TXLNB: variants seen among roughly 807,000 people sequenced by gnomAD.
The protein encoded by TXLNB is taxilin beta.
Under a neutral mutation model 57.4 loss-of-function variants are expected in TXLNB, and 37 were observed. The observed-to-expected ratio is 0.64, with a 90% CI of 0.50 to 0.85. TXLNB has a LOEUF of 0.85. TXLNB is among the 40% of genes least tolerant of loss of function. The probability of loss-of-function intolerance (pLI) is 0.00; values close to 1 mark genes in which losing one functional copy is unlikely to be tolerated. For synonymous variants in TXLNB, 302 were observed against 309.6 expected, an observed-to-expected ratio of 0.98 and a Z score of 0.26; for missense variants, 848 against 825.6, an observed-to-expected ratio of 1.03 and a Z score of -0.33.
the TXLNB span, among the ~76,000 whole-genome samples, chr6:139,200,642 T>TG: frequency 6.6e-6 from 1 of 152,232 alleles, no homozygotes; most frequent in South Asian, 2.1e-4. Context: ...GACAGAGATT[T>TG]GGGATGTAAA....
At chr6:139,236,739 G>C (rs1242615659), downstream of TXLNB, among the ~76,000 whole-genome samples, 1 of 152,032 alleles carries the variant, frequency 6.6e-6, no homozygotes, top group Non-Finnish European at 1.5e-5. Flanking sequence ...CAAGTAGCTG[G>C]GACCACAGGT....
chr6:139,313,176 C>G, the TXLNB span, among the ~76,000 whole-genome samples: 104 of 152,032 alleles, frequency 6.8e-4, no homozygotes, highest in African/African-American at 2.4e-3. Context: ...GGGTTCACGC[C>G]ATTCTCCTGC....
upstream of TXLNB, among the ~76,000 whole-genome samples, chr6:139,294,718 G>A (rs1009633795): frequency 5.9e-5 from 9 of 152,188 alleles, no homozygotes; most frequent in South Asian, 1.2e-3. Context: ...GGCCCGGCAC[G>A]CTGGCTCACG....
chr6:139,241,266 A>G lies in TXLNB; in HGVS notation c.*1260T>C, dbSNP rs1339029936. On this transcript the variant is annotated 3_prime_UTR_variant, in exon 10 of 10. Transcript: ENST00000358430. ...CATGGCAGAAAACGTGTTGGTTTGTAAGCCTCATCACTGATATTGAGACCC... is the reference window on the plus strand; with the variant it reads ...CATGGCAGAAAACGTGTTGGTTTGTGAGCCTCATCACTGATATTGAGACCC... 1 of 152,204 alleles carries G rather than the reference A, an allele frequency of 6.6e-6. No homozygotes were observed. The highest frequency in any genetic ancestry group is 2.4e-5 in the African/African-American group (1 of 41,444). 9.4% of individuals were successfully genotyped at this position (152,204 alleles called of 1,614,324 possible).
At chr6:139,322,771 G>T in the TXLNB span, among the ~76,000 whole-genome samples, 2 of 152,120 alleles carry the variant, frequency 1.3e-5, no homozygotes, top group African/African-American at 2.4e-5. Flanking sequence ...TATCCCCCTT[G>T]TTCCTTCTTT....
At chr6:139,183,781 A>G in the TXLNB span, among the ~76,000 whole-genome samples, 1 of 152,222 alleles carries the variant, frequency 6.6e-6, no homozygotes, top group African/African-American at 2.4e-5. Flanking sequence ...AGGCTGCTCC[A>G]GCACAGATAC....
At position 139,270,635 on chromosome 6, in the gene TXLNB, A is replaced by G. The variant is rs1364575945; in HGVS notation, c.517-9T>C. On this transcript the variant is annotated splice_polypyrimidine_tract_variant and intron_variant, in intron 3 of 9. Coordinates refer to ENST00000358430, the MANE Select transcript of TXLNB (RefSeq NM_153235.4). ...GTACGATGTTCATCCAGCTGTACAC[A>G]TGGAGATACAAACATGAAAGAAAAT... 2.5e-6 allele frequency: 4 copies of G among 1,612,932 alleles called. No individual in the cohort carries two copies. Among genetic ancestry groups the G allele is most frequent in the Non-Finnish European group, 2.5e-6 (3 of 1,179,480 alleles).
chr6:139,242,937 A>G lies in TXLNB; in HGVS notation c.1644T>C (p.Pro548=). 1 of 1,614,110 alleles carries G rather than the reference A, an allele frequency of 6.2e-7. No individual in the cohort carries two copies. The change falls in exon 10 of 10, where the codon CCT becomes CCC. Residue 548 remains proline (P), a synonymous_variant. Coordinates refer to ENST00000358430, the MANE Select transcript of TXLNB (RefSeq NM_153235.4). Reference sequence around the variant, plus strand: ...GCAGGGGACTCTCTGAATCCCGTGAAGGGATCAGAGGGGGTTGCTCTGGCT... The same window carrying G: ...GCAGGGGACTCTCTGAATCCCGTGAGGGGATCAGAGGGGGTTGCTCTGGCT... ...LKEPEQPPLI[P]SRDSESPLPP... is the part of the protein sequence containing the mutation.
At chr6:139,221,160 C>A in the TXLNB span, among the ~76,000 whole-genome samples, 1 of 152,152 alleles carries the variant, frequency 6.6e-6, no homozygotes, top group Non-Finnish European at 1.5e-5. Flanking sequence ...AAATATGCAA[C>A]CTGTGACTGA....
In TXLNB at chr6:139,288,607, T is replaced by C. The variant is rs750072428; in HGVS notation, c.293A>G (p.Glu98Gly). 2 of 1,614,222 alleles carry C rather than the reference T, an allele frequency of 1.2e-6. No individual in the cohort carries two copies. Among genetic ancestry groups the C allele is most frequent in the East Asian group, 2.2e-5 (1 of 44,886 alleles). ...QPENAESPDN[E>G]DGDCEETTEE... Reference sequence around the variant, plus strand: ...AGTTGTTTCCTCACAGTCCCCATCCTCGTTGTCAGGTGATTCTGCATTCTC... The same window carrying C: ...AGTTGTTTCCTCACAGTCCCCATCCCCGTTGTCAGGTGATTCTGCATTCTC... The change falls in exon 2 of 10, where the codon GAG (glutamate) becomes GGG (glycine). Residue 98 changes from glutamate (E) to glycine (G), a missense_variant. Physicochemically the swap from Glu to Gly is moderately conservative, Grantham distance 98. Transcript: ENST00000358430.
At chr6:139,190,305 C>T in the TXLNB span, among the ~76,000 whole-genome samples, 20 of 108,908 alleles carry the variant, frequency 1.8e-4, no homozygotes, top group Non-Finnish European at 2.7e-4. Context: ...TTCTTTCTTT[C>T]TTTCTTTTTT....
At chr6:139,282,990 A>G (rs908451536) in intron 2 of TXLNB, 1 of 145,518 alleles carries the variant, frequency 6.9e-6, no homozygotes, top group Non-Finnish European at 1.5e-5. Flanking sequence ...GTGATAAATG[A>G]GAGATACCTC....
the TXLNB span, among the ~76,000 whole-genome samples, chr6:139,189,384 TAAG>T: frequency 6.6e-6 from 1 of 152,240 alleles, no homozygotes; most frequent in East Asian, 1.9e-4. Context: ...TGATTTTATC[TAAG>T]AAGAATATTT....
At chr6:139,189,696 T>A in the TXLNB span, among the ~76,000 whole-genome samples, 1 of 152,176 alleles carries the variant, frequency 6.6e-6, no homozygotes, top group African/African-American at 2.4e-5. Context: ...GACAATATTG[T>A]CTTTGCAGCT....
In TXLNB at chr6:139,276,862, A is replaced by T. The variant is rs1193978828; in HGVS notation, c.484T>A (p.Phe162Ile). Residue 162 changes from phenylalanine to isoleucine, a missense_variant, in exon 3 of 10, where the codon TTT (phenylalanine) becomes ATT (isoleucine). Coordinates refer to ENST00000358430, the MANE Select transcript of TXLNB (RefSeq NM_153235.4). ...LNKLQTPEEK[F>I]DFLFKKYAEL... ...GCATACTTCTTGAATAAAAAATCAA[A>T]CTTTTCTTCCGGTGTTTGCAACTTG... 2.5e-6 allele frequency: 4 copies of T among 1,603,068 alleles called. No individual in the cohort carries two copies. Among genetic ancestry groups the T allele is most frequent in the Non-Finnish European group, 2.5e-6 (3 of 1,176,806 alleles).
chr6:139,242,241 T>C lies in TXLNB; in HGVS notation c.*285A>G. 3.8e-6 allele frequency: 1 copy of C among 263,250 alleles called. No individual in the cohort carries two copies. Among genetic ancestry groups the C allele is most frequent in the Non-Finnish European group, 7.1e-6 (1 of 141,634 alleles). 16.3% of individuals were successfully genotyped at this position (263,250 alleles called of 1,614,324 possible). A position where few individuals can be genotyped will look rare whatever the true frequency, so the allele number is the denominator to read the frequency against. ...TACTGGTGATTAACAAATTTAAGTATTATCTTAACAGAAAAGGAATATAAA... is the reference window on the plus strand; with the variant it reads ...TACTGGTGATTAACAAATTTAAGTACTATCTTAACAGAAAAGGAATATAAA... On this transcript the variant is annotated 3_prime_UTR_variant, in exon 10 of 10. Coordinates refer to ENST00000358430, the MANE Select transcript of TXLNB (RefSeq NM_153235.4).
intron 2 of TXLNB, among the ~76,000 whole-genome samples, chr6:139,279,178 G>A (rs1776980991): frequency 6.6e-6 from 1 of 152,184 alleles, no homozygotes; most frequent in African/African-American, 2.4e-5. Flanking sequence ...TACCTGTCTT[G>A]TTTGGGAGAG....
At chr6:139,252,598 C>T (rs1450277960) in intron 7 of TXLNB, among the ~76,000 whole-genome samples, 2 of 152,328 alleles carry the variant, frequency 1.3e-5, no homozygotes, top group East Asian at 3.9e-4. Context: ...CTTAGGGCCA[C>T]ACTTCTTCAG....
chr6:139,319,695 T>C, the TXLNB span, among the ~76,000 whole-genome samples: 1 of 151,132 alleles, frequency 6.6e-6, no homozygotes, highest in Admixed American at 6.6e-5. Flanking sequence ...GCCTGGGAGG[T>C]CAAAGCTACA....
Sources: gnomAD v4.1 joint callset for allele counts (sites outside exome capture counted in the v4.1 genomes callset) on GRCh38, gnomAD v4.1.1 for gene constraint, MANE v1.5 for transcripts, NCBI Gene and HGNC (gene_info 2026-07-23, HGNC 2026-07-21) for gene names.